ELP4: variants seen among roughly 807,000 people sequenced by gnomAD.
The protein encoded by ELP4 is elongator acetyltransferase complex subunit 4, also known as elongator complex protein 4.
In ELP4, 51 loss-of-function variants were observed where a neutral mutation model predicts 48.9. That is an observed-to-expected ratio of 1.04 (90% confidence interval 0.83 to 1.32). The LOEUF (loss-of-function observed/expected upper bound fraction) is 1.32. Ranked by LOEUF, ELP4 falls within the 40% of genes most tolerant of loss-of-function variation. The pLI is 0.00. For missense variants in ELP4, 519 were observed against 514.6 expected, an observed-to-expected ratio of 1.01 and a Z score of -0.08; for synonymous variants, 210 against 189.2, an observed-to-expected ratio of 1.11 and a Z score of -0.90.
chr11:31,523,724 A>G (rs1397096139), intron 2 of ELP4, among the ~76,000 whole-genome samples: 1 of 151,120 alleles, frequency 6.6e-6, no homozygotes, highest in East Asian at 1.9e-4. Flanking sequence ...AAAATCAAAA[A>G]TTGATTTTAA....
At chr11:31,738,212 T>C (rs2134213639) in intron 9 of ELP4, among the ~76,000 whole-genome samples, 1 of 117,562 alleles carries the variant, frequency 8.5e-6, no homozygotes, top group South Asian at 2.5e-4. Flanking sequence ...CTGGGCAACA[T>C]GGCAAAACCC....
At chr11:31,691,487 G>A (rs910783763) in intron 9 of ELP4, among the ~76,000 whole-genome samples, 1 of 151,818 alleles carries the variant, frequency 6.6e-6, no homozygotes, top group African/African-American at 2.4e-5. Context: ...GAGTTTTAAA[G>A]TCAGGCATAA....
chr11:31,726,671 G>T (rs922133408), intron 9 of ELP4, among the ~76,000 whole-genome samples: 6 of 151,986 alleles, frequency 3.9e-5, no homozygotes, highest in African/African-American at 1.4e-4. Context: ...AAAAAAAAGG[G>T]AATCCTAATG....
At chr11:31,604,843 C>T (rs546840364) in intron 5 of ELP4, among the ~76,000 whole-genome samples, 3 of 151,800 alleles carry the variant, frequency 2.0e-5, no homozygotes, top group South Asian at 2.1e-4. Flanking sequence ...TTAGCAAAAG[C>T]GGTGCTTTGA....
intron 9 of ELP4, among the ~76,000 whole-genome samples, chr11:31,688,921 T>G (rs1410937428): frequency 6.6e-6 from 1 of 152,224 alleles, no homozygotes; most frequent in African/African-American, 2.4e-5. Context: ...GGGAGAACAG[T>G]AAATTAGATC....
chr11:31,655,064 G>C (rs1381777297), intron 9 of ELP4, among the ~76,000 whole-genome samples: 1 of 151,870 alleles, frequency 6.6e-6, no homozygotes, highest in African/African-American at 2.4e-5. Flanking sequence ...GATTAAATCA[G>C]TTGTCAAAAA....
intron 9 of ELP4, among the ~76,000 whole-genome samples, chr11:31,693,979 C>T (rs1471600018): frequency 6.6e-6 from 1 of 152,192 alleles, no homozygotes; most frequent in Non-Finnish European, 1.5e-5. Context: ...AGTGTCTGTT[C>T]AGATCCTTCG....
intron 3 of ELP4, among the ~76,000 whole-genome samples, chr11:31,588,183 T>G (rs1957510174): frequency 6.6e-6 from 1 of 152,174 alleles, no homozygotes; most frequent in Non-Finnish European, 1.5e-5. Flanking sequence ...ATCAATCTTA[T>G]TCTTTTTAAT....
intron 9 of ELP4, among the ~76,000 whole-genome samples, chr11:31,775,964 C>CA (rs1246565151): frequency 1.3e-5 from 2 of 151,514 alleles, no homozygotes; most frequent in Non-Finnish European, 2.9e-5. Context: ...GACTTCGTCT[C>CA]AAAAAATAAA....
At chr11:31,700,818 T>C (rs1164154043) in intron 9 of ELP4, among the ~76,000 whole-genome samples, 1 of 152,086 alleles carries the variant, frequency 6.6e-6, no homozygotes, top group Non-Finnish European at 1.5e-5. Context: ...AATGAGAATA[T>C]AAGAATGTTC....
chr11:31,643,083 A>G (rs1945131148), intron 7 of ELP4, among the ~76,000 whole-genome samples: 1 of 151,808 alleles, frequency 6.6e-6, no homozygotes, highest in Non-Finnish European at 1.5e-5. Context: ...ACTGTTGATT[A>G]TGACATACTT....
At chr11:31,682,278 G>A (rs1946069821) in intron 9 of ELP4, among the ~76,000 whole-genome samples, 1 of 152,136 alleles carries the variant, frequency 6.6e-6, no homozygotes, top group Non-Finnish European at 1.5e-5. Context: ...TAATATTAGT[G>A]GCCCATCAAT....
At chr11:31,761,472 C>T (rs1947943553) in intron 9 of ELP4, among the ~76,000 whole-genome samples, 1 of 151,900 alleles carries the variant, frequency 6.6e-6, no homozygotes, top group African/African-American at 2.4e-5. Context: ...TACTTTTTCA[C>T]CAGAATAGAA....
chr11:31,603,915 A>T lies in ELP4; in HGVS notation c.653+8A>T, dbSNP rs915016932. 1.2e-6 allele frequency: 2 copies of T among 1,604,356 alleles called. No individual in the cohort carries two copies. The highest frequency in any genetic ancestry group is 1.7e-6 in the Non-Finnish European group (2 of 1,174,986). ...TCTCAAAGTAGAACCCTGGTAAGTT[A>T]ATGACCCATTTAATAACAAAATCTG... On this transcript the variant is annotated splice_region_variant and intron_variant, in intron 5 of 9. Coordinates refer to ENST00000640961, the MANE Select transcript of ELP4 (RefSeq NM_019040.5).
At chr11:31,658,693 C>A (rs924191892) in intron 9 of ELP4, among the ~76,000 whole-genome samples, 3 of 151,674 alleles carry the variant, frequency 2.0e-5, no homozygotes, top group Non-Finnish European at 4.4e-5. Context: ...AGCTAATCAA[C>A]CTGTTTTTGT....
chr11:31,781,476 G>C (rs1948375401), intron 9 of ELP4, among the ~76,000 whole-genome samples: 1 of 123,566 alleles, frequency 8.1e-6, no homozygotes, highest in Non-Finnish European at 1.7e-5. Context: ...CCTGCCTTTT[G>C]GATTCCTGAG....
chr11:31,631,548 T>A (rs569476583), intron 6 of ELP4, among the ~76,000 whole-genome samples: 130 of 152,282 alleles, frequency 8.5e-4, no homozygotes, highest in African/African-American at 3.1e-3. Context: ...TTCACAGTGA[T>A]GTATTCACAG....
chr11:31,683,575 G>T (rs1056211504), intron 9 of ELP4, among the ~76,000 whole-genome samples: 12 of 152,010 alleles, frequency 7.9e-5, no homozygotes, highest in African/African-American at 2.9e-4. Context: ...CATCATTTCT[G>T]CAGGTTCCAA....
At chr11:31,612,639 C>CA (rs1449818960) in intron 5 of ELP4, among the ~76,000 whole-genome samples, 1 of 152,074 alleles carries the variant, frequency 6.6e-6, no homozygotes, top group African/African-American at 2.4e-5. Flanking sequence ...AGAGAAGGGG[C>CA]AGTACACTGG....
Sources: gnomAD v4.1 joint callset for allele counts (sites outside exome capture counted in the v4.1 genomes callset) on GRCh38, gnomAD v4.1.1 for gene constraint, MANE v1.5 for transcripts, NCBI Gene and HGNC (gene_info 2026-07-23, HGNC 2026-07-21) for gene names.